GNAO1: variants seen among roughly 807,000 people sequenced by gnomAD.
GNAO1 encodes the protein G protein subunit alpha o1, also known as guanine nucleotide-binding protein G(o) subunit alpha.
For missense variants in GNAO1, 166 were observed against 478.7 expected (o/e 0.35, Z 6.10); for synonymous variants, 164 against 180.7 (o/e 0.91, Z 0.74).
intron 2 of GNAO1, among the ~76,000 whole-genome samples, chr16:56,229,556 C>A (rs2036568235): frequency 6.6e-6 from 1 of 152,060 alleles, no homozygotes; most frequent in African/African-American, 2.4e-5. Flanking sequence ...GGACCAGGAG[C>A]TATAAATAAT....
rs76339961 is a variant in GNAO1 at position 56,298,389 on chromosome 16, C to T, written c.303+22317C>T. On this transcript the variant is annotated intron_variant, in intron 3 of 8. Transcript: ENST00000262493. The stretch of plus-strand genomic sequence containing the variant: ...CATTGTCACCTCCCTTCCAGCTTGC[C>T]CTTATTGATCAGCGACAGTGATGAT... 1.2e-4 allele frequency among the ~76,000 whole-genome samples: 19 copies of T among 152,222 alleles called. No homozygotes were observed. The East Asian group carries it at 3.5e-3, about 28-fold the overall frequency.
intron 4 of GNAO1, among the ~76,000 whole-genome samples, chr16:56,333,437 C>A (rs2037710117): frequency 6.6e-6 from 1 of 152,134 alleles, no homozygotes; most frequent in African/African-American, 2.4e-5. Context: ...GTCTCAAAAT[C>A]CTGACCTCAT....
intron 6 of GNAO1, among the ~76,000 whole-genome samples, chr16:56,349,542 C>T (rs770926338): frequency 6.6e-6 from 1 of 152,210 alleles, no homozygotes; most frequent in African/African-American, 2.4e-5. Flanking sequence ...GAGACCTGCT[C>T]CTCCCCGGAG....
intron 3 of GNAO1, among the ~76,000 whole-genome samples, chr16:56,316,380 C>A (rs1190579687): frequency 6.6e-6 from 1 of 152,218 alleles, no homozygotes; most frequent in African/African-American, 2.4e-5. Context: ...ATAGGCATGA[C>A]CAGCAACCTG....
At chr16:56,265,816 G>A (rs1048563568) in intron 2 of GNAO1, among the ~76,000 whole-genome samples, 3 of 152,124 alleles carry the variant, frequency 2.0e-5, no homozygotes, top group Non-Finnish European at 4.4e-5. Flanking sequence ...TTGTTTTAAT[G>A]TGTAGCTGAG....
intron 3 of GNAO1, among the ~76,000 whole-genome samples, chr16:56,292,316 G>A (rs1596846365): frequency 1.3e-5 from 2 of 152,286 alleles, no homozygotes; most frequent in Admixed American, 1.3e-4. Flanking sequence ...AATCTCAAAA[G>A]ATACTGGTAT....
chr16:56,329,481 T>C (rs761706559), intron 4 of GNAO1, among the ~76,000 whole-genome samples: 4 of 151,706 alleles, frequency 2.6e-5, no homozygotes, highest in Non-Finnish European at 5.9e-5. Flanking sequence ...ACAGGTCCAC[T>C]GGCTGCAGCT....
intron 2 of GNAO1, among the ~76,000 whole-genome samples, chr16:56,242,568 G>A (rs942051302): frequency 4.6e-5 from 7 of 152,154 alleles, no homozygotes; most frequent in Non-Finnish European, 8.8e-5. Context: ...ATTCAGTGAG[G>A]AAAGAATAGT....
At chr16:56,197,565 A>G (rs1157667839) in intron 2 of GNAO1, among the ~76,000 whole-genome samples, 1 of 152,224 alleles carries the variant, frequency 6.6e-6, no homozygotes. Context: ...ATTGGATTCT[A>G]AAGTAGAACC....
At chr16:56,318,590 G>A (rs2037538370) in intron 3 of GNAO1, among the ~76,000 whole-genome samples, 1 of 152,232 alleles carries the variant, frequency 6.6e-6, no homozygotes, top group South Asian at 2.1e-4. Flanking sequence ...GTGTGTGTGT[G>A]TGCGTGCGCG....
chr16:56,266,560 C>T (rs190863184), intron 2 of GNAO1, among the ~76,000 whole-genome samples: 1 of 152,312 alleles, frequency 6.6e-6, no homozygotes, highest in Non-Finnish European at 1.5e-5. Context: ...CACTGCTGCA[C>T]CAGATGGAAG....
chr16:56,194,665 C>G (rs2143281555), intron 2 of GNAO1: 1 of 159,740 alleles, frequency 6.3e-6, no homozygotes, highest in Non-Finnish European at 1.4e-5. Flanking sequence ...CGGAAATACT[C>G]GGGGGAGGGG....
At position 56,344,670 on chromosome 16, in the gene GNAO1, C is replaced by T. The variant is rs1338101437; in HGVS notation, c.724-6714C>T. The T allele has an allele frequency of 8.1e-6, 8 of 985,220 alleles. No individual in the cohort carries two copies. The South Asian group carries it at 1.4e-4, about 17-fold the overall frequency. 61.0% of individuals were successfully genotyped at this position (985,220 alleles called of 1,614,324 possible). The stretch of plus-strand genomic sequence containing the variant: ...CGGGGGGAGGGAGAGATGGGAGGTG[C>T]GGGGAAGGGAGGTGGAAGCTCCTGT... On this transcript the variant is annotated intron_variant, in intron 6 of 8. Coordinates refer to ENST00000262493, the MANE Select transcript of GNAO1 (RefSeq NM_020988.3).
chr16:56,337,905 G>C (rs547390769), intron 6 of GNAO1, among the ~76,000 whole-genome samples: 1 of 152,322 alleles, frequency 6.6e-6, no homozygotes, highest in African/African-American at 2.4e-5. Context: ...ACAGCCTGGC[G>C]TCTGTCATCT....
intron 2 of GNAO1, among the ~76,000 whole-genome samples, chr16:56,207,898 C>A (rs1301958645): frequency 6.6e-6 from 1 of 152,168 alleles, no homozygotes; most frequent in Non-Finnish European, 1.5e-5. Flanking sequence ...ACTCAGGTAA[C>A]CATCACTAGG....
chr16:56,324,363 C>T (rs1373835299), intron 3 of GNAO1, among the ~76,000 whole-genome samples: 2 of 152,204 alleles, frequency 1.3e-5, no homozygotes, highest in Non-Finnish European at 2.9e-5. Context: ...CAACCCTGCT[C>T]TCAGGTCCTG....
chr16:56,309,811 G>A (rs2037436526), intron 3 of GNAO1, among the ~76,000 whole-genome samples: 1 of 152,184 alleles, frequency 6.6e-6, no homozygotes, highest in African/African-American at 2.4e-5. Context: ...CTGGGTGCTG[G>A]GGCAGTCCTC....
chr16:56,345,215 C>T, intron 6 of GNAO1: 1 of 985,582 alleles, frequency 1.0e-6, no homozygotes, highest in Non-Finnish European at 1.2e-6. Context: ...CTCCAAGATG[C>T]CTCCAGGTGG....
intron 4 of GNAO1, among the ~76,000 whole-genome samples, chr16:56,329,997 G>A (rs540089907): frequency 6.8e-4 from 103 of 152,356 alleles, no homozygotes; most frequent in African/African-American, 2.3e-3. Flanking sequence ...AATGCCAATG[G>A]ACAGAGGCTG....
Sources: allele counts gnomAD v4.1 joint callset (sites outside exome capture counted in the v4.1 genomes callset), GRCh38; gene constraint gnomAD v4.1.1; transcripts MANE v1.5; gene names NCBI Gene and HGNC (gene_info 2026-07-23, HGNC 2026-07-21).